Variants in TMEM131L observed in about 807,000 individuals in gnomAD.
TMEM131L encodes the protein transmembrane protein 131-like.
A neutral mutation model predicts 192.2 loss-of-function variants in TMEM131L; 54 were observed. The ratio of observed to expected loss-of-function variants is 0.28; its 90% CI spans 0.23 to 0.35. The LOEUF (loss-of-function observed/expected upper bound fraction) is 0.35. Among genes scored for constraint, TMEM131L ranks in the 10% least tolerant of loss-of-function variants. The pLI is 1.00. For synonymous variants in TMEM131L, 701 were observed against 704.9 expected (o/e 0.99, Z 0.09); for missense variants, 1,888 against 1,972.9 (o/e 0.96, Z 0.82).
chr4:153,601,148 G>A (rs942166417), intron 21 of TMEM131L, among the ~76,000 whole-genome samples: 6 of 150,694 alleles, frequency 4.0e-5, no homozygotes, highest in Admixed American at 2.7e-4. Context: ...TTTACATTCC[G>A]AATTCTTCTT....
chr4:153,566,491 G>A (rs933309492), intron 7 of TMEM131L, among the ~76,000 whole-genome samples: 1 of 149,504 alleles, frequency 6.7e-6, no homozygotes, highest in South Asian at 2.1e-4. Context: ...CCAAATAAAG[G>A]TAGTTTTGTC....
chr4:153,473,419 A>G (rs1282607320), intron 2 of TMEM131L, among the ~76,000 whole-genome samples: 6 of 152,224 alleles, frequency 3.9e-5, no homozygotes, highest in Non-Finnish European at 7.3e-5. Flanking sequence ...AAGGACAGGT[A>G]GGAACTGGGT....
intron 3 of TMEM131L, among the ~76,000 whole-genome samples, chr4:153,477,695 T>C (rs1381476829): frequency 2.6e-5 from 4 of 152,202 alleles, no homozygotes; most frequent in Non-Finnish European, 5.9e-5. Flanking sequence ...TTTTTATTTA[T>C]AAAAATGAAT....
chr4:153,513,045 TCTG>T (rs1008362614), intron 3 of TMEM131L, among the ~76,000 whole-genome samples: 1 of 152,194 alleles, frequency 6.6e-6, no homozygotes, highest in Admixed American at 6.5e-5. Flanking sequence ...TCTTTTTTCA[TCTG>T]CTGGTTTTAG....
chr4:153,558,106 T>C (rs1728606815), intron 6 of TMEM131L, 152 bp from the exon 7 acceptor site: 1 of 470,968 alleles, frequency 2.1e-6, no homozygotes, highest in African/African-American at 1.9e-5. Context: ...ATTGTGTTTT[T>C]TGTAGACAAA....
chr4:153,493,142 C>A (rs1453953202), intron 3 of TMEM131L, among the ~76,000 whole-genome samples: 1 of 151,176 alleles, frequency 6.6e-6, no homozygotes. Flanking sequence ...GTCAGGAGAT[C>A]GAGACCATCC....
At chr4:153,492,779 A>G (rs542119782) in intron 3 of TMEM131L, among the ~76,000 whole-genome samples, 4 of 152,220 alleles carry the variant, frequency 2.6e-5, no homozygotes, top group South Asian at 2.1e-4. Context: ...TTTAACTTAT[A>G]TATCTTTTCT....
intron 26 of TMEM131L, among the ~76,000 whole-genome samples, chr4:153,618,044 T>A (rs533383510): frequency 6.6e-6 from 1 of 152,302 alleles, no homozygotes; most frequent in South Asian, 2.1e-4. Flanking sequence ...CAAACTTAGT[T>A]ATTGCTTATT....
chr4:153,550,378 G>C (rs1215485805), intron 4 of TMEM131L, among the ~76,000 whole-genome samples: 3 of 152,086 alleles, frequency 2.0e-5, no homozygotes, highest in Admixed American at 1.3e-4. Flanking sequence ...CCAGGCTGGA[G>C]TGCAGTGGCG....
intron 7 of TMEM131L, among the ~76,000 whole-genome samples, chr4:153,576,682 A>G (rs1005403616): frequency 7.6e-4 from 115 of 152,176 alleles, no homozygotes; most frequent in Admixed American, 1.2e-3. Flanking sequence ...TCTTAAAAAA[A>G]AAAAAAAAAC....
chr4:153,522,977 G>T (rs569209170), intron 3 of TMEM131L, among the ~76,000 whole-genome samples: 10 of 152,152 alleles, frequency 6.6e-5, no homozygotes, highest in Non-Finnish European at 1.2e-4. Flanking sequence ...CAGAGCTTGG[G>T]TTTTCCCTTA....
chr4:153,609,858 T>A (rs1732493373), intron 25 of TMEM131L, among the ~76,000 whole-genome samples: 1 of 152,196 alleles, frequency 6.6e-6, no homozygotes, highest in South Asian at 2.1e-4. Flanking sequence ...ACTTATGGCT[T>A]CCAGAATCCA....
At chr4:153,521,347 G>C (rs569014947) in intron 3 of TMEM131L, among the ~76,000 whole-genome samples, 1 of 152,210 alleles carries the variant, frequency 6.6e-6, no homozygotes, top group African/African-American at 2.4e-5. Flanking sequence ...TTTCAAATGC[G>C]TGTCTCCTCT....
chr4:153,604,425 A>T lies in TMEM131L; in HGVS notation c.3413A>T (p.Asn1138Ile). Residue 1138 changes from asparagine (N) to isoleucine (I), a missense_variant, in exon 25 of 35, where the codon AAT (asparagine) becomes ATT (isoleucine). By Grantham distance (149) the Asn-to-Ile change is moderately radical (BLOSUM62 -3). Coordinates refer to ENST00000409959, the MANE Select transcript of TMEM131L (RefSeq NM_001131007.2). ...QPDLPEISRK[N>I]NGNNQQVPVK... ...GACTTGCCAGAAATTTCCAGGAAAA[A>T]TAATGGTAATCTTTTCATCCCCTTT... 6.3e-7 allele frequency: 1 copy of T among 1,597,594 alleles called. No homozygotes were observed. Among genetic ancestry groups the T allele is most frequent in the Non-Finnish European group, 8.5e-7 (1 of 1,174,324 alleles).
chr4:153,484,451 T>A (rs1732162631), intron 3 of TMEM131L, among the ~76,000 whole-genome samples: 1 of 151,630 alleles, frequency 6.6e-6, no homozygotes, highest in Non-Finnish European at 1.5e-5. Context: ...GTAGTTTTTA[T>A]TTTTATTATT....
chr4:153,471,526 A>G (rs10014994), intron 2 of TMEM131L, among the ~76,000 whole-genome samples: 4,197 of 152,240 alleles, frequency 0.028, 210 homozygotes, highest in African/African-American at 0.096. Flanking sequence ...GAATGCCTTA[A>G]ATGGTTATTT....
chr4:153,495,394 C>T (rs895565834), intron 3 of TMEM131L, among the ~76,000 whole-genome samples: 1 of 151,762 alleles, frequency 6.6e-6, no homozygotes, highest in African/African-American at 2.4e-5. Flanking sequence ...CTCAGGAGGT[C>T]CTGTGCCCAG....
chr4:153,578,854 C>T (rs1394780743), intron 7 of TMEM131L, among the ~76,000 whole-genome samples: 1 of 151,486 alleles, frequency 6.6e-6, no homozygotes, highest in African/African-American at 2.4e-5. Context: ...GACGGGGTTT[C>T]ACCATTTTGG....
At chr4:153,632,539 C>A in intron 31 of TMEM131L, 179 bp from the exon 32 acceptor site, 1 of 643,892 alleles carries the variant, frequency 1.6e-6, no homozygotes, top group South Asian at 2.1e-5. Flanking sequence ...TCTGAAGAAA[C>A]GGTCAAAACA....
Sources: allele counts gnomAD v4.1 joint callset (sites outside exome capture counted in the v4.1 genomes callset), GRCh38; gene constraint gnomAD v4.1.1; transcripts MANE v1.5; gene names NCBI Gene and HGNC (gene_info 2026-07-23, HGNC 2026-07-21).